GSDMB: variants seen among roughly 807,000 people sequenced by gnomAD.
GSDMB encodes the protein gasdermin B.
Under a neutral mutation model 42.9 loss-of-function variants are expected in GSDMB, and 32 were observed. The ratio of observed to expected loss-of-function variants is 0.75; its 90% confidence interval spans 0.56 to 1.00. The LOEUF is 1.00. GSDMB is among the 50% of genes least tolerant of loss of function. GSDMB has a pLI of 0.00. For synonymous variants in GSDMB, 175 were observed against 193.7 expected (o/e 0.90, Z 0.80); for missense variants, 468 against 498.5 (o/e 0.94, Z 0.58).
Position 39,912,357 on chromosome 17 carries a change from A to C in GSDMB, c.376T>G (p.Ser126Ala). Residue 126 changes from serine (S) to alanine (A), a missense_variant, in exon 3 of 11, where the codon TCC (serine) becomes GCC (alanine). Ser to Ala is a moderately conservative substitution (Grantham distance 99). Coordinates refer to ENST00000418519, the MANE Select transcript of GSDMB (RefSeq NM_001165958.2). ...QKIKISENRI[S>A]QQYLATLENR... is the part of the protein sequence containing the mutation. ...TCAAGGGTAGCCAGATACTGCTGGG[A>C]TATCCGGTTCTCCGATATCTTGATT... The C allele has an allele frequency of 6.2e-7, 1 of 1,614,044 alleles. No individual in the cohort carries two copies. Among genetic ancestry groups the C allele is most frequent in the Non-Finnish European group, 8.5e-7 (1 of 1,179,986 alleles).
At chr17:39,911,411 C>T (rs1408791116) in intron 3 of GSDMB, among the ~76,000 whole-genome samples, 1 of 152,092 alleles carries the variant, frequency 6.6e-6, no homozygotes, top group Non-Finnish European at 1.5e-5. Context: ...TCACCTTCCC[C>T]TGAGCTACTC....
intron 7 of GSDMB, chr17:39,906,684 A>G (rs1568101281): frequency 8.9e-7 from 1 of 1,128,946 alleles, no homozygotes; most frequent in Non-Finnish European, 1.2e-6. Flanking sequence ...CCTGATGTCC[A>G]GGCCACACCC....
chr17:39,907,322 C>T, intron 6 of GSDMB: 1 of 441,686 alleles, frequency 2.3e-6, no homozygotes, highest in Non-Finnish European at 3.2e-6. Context: ...TACAACCCTG[C>T]TGGGATCAAG....
At chr17:39,914,897 T>G (rs1439846720) in intron 2 of GSDMB, among the ~76,000 whole-genome samples, 1 of 151,450 alleles carries the variant, frequency 6.6e-6, no homozygotes, top group African/African-American at 2.4e-5. Context: ...TGCAGTGGTA[T>G]AATCATGGCT....
chr17:39,915,561 G>A (rs1238784842), intron 2 of GSDMB, among the ~76,000 whole-genome samples: 1 of 150,306 alleles, frequency 6.7e-6, no homozygotes, highest in Non-Finnish European at 1.5e-5. Context: ...CTGGGTTAAA[G>A]TATTTTTCCA....
chr17:39,908,528 T>C (rs889428656), intron 5 of GSDMB, among the ~76,000 whole-genome samples: 18 of 151,982 alleles, frequency 1.2e-4, no homozygotes, highest in African/African-American at 3.4e-4. Flanking sequence ...TACAGGCGCA[T>C]ACCACCACAC....
At chr17:39,914,612 A>C (rs548727680) in intron 2 of GSDMB, among the ~76,000 whole-genome samples, 2 of 151,680 alleles carry the variant, frequency 1.3e-5, no homozygotes, top group African/African-American at 2.4e-5. Flanking sequence ...AAATACAAAA[A>C]ATTTGCCAGG....
intron 2 of GSDMB, among the ~76,000 whole-genome samples, chr17:39,914,931 G>C (rs1342877701): frequency 6.6e-6 from 1 of 151,038 alleles, no homozygotes; most frequent in Non-Finnish European, 1.5e-5. Flanking sequence ...CCACCTCCCA[G>C]GTTCAAGCAA....
In GSDMB at chr17:39,906,499, C is replaced by T. The variant is rs1461063596; in HGVS notation, c.728-228G>A. 1.1e-5 allele frequency: 14 copies of T among 1,275,704 alleles called. No homozygotes were observed. The Admixed American group carries it at 2.9e-4, about 27-fold the overall frequency. 79.0% of individuals were successfully genotyped at this position (1,275,704 alleles called of 1,614,324 possible). A position where few individuals can be genotyped will look rare whatever the true frequency, so the allele number is the denominator to read the frequency against. ...TCCCCAGCTCACCCCCAGTCTAGTCCCAACCCCAAATTCTTCTCCACTTCC... is the reference window on the plus strand; with the variant it reads ...TCCCCAGCTCACCCCCAGTCTAGTCTCAACCCCAAATTCTTCTCCACTTCC... On this transcript the variant is annotated intron_variant, in intron 7 of 10. Coordinates refer to ENST00000418519, the MANE Select transcript of GSDMB (RefSeq NM_001165958.2).
rs1568100973 is a variant in GSDMB, at chr17:39,906,155, T to C, written c.844A>G (p.Lys282Glu). The C allele has an allele frequency of 1.9e-6, 3 of 1,614,004 alleles. No individual in the cohort carries two copies. The highest frequency in any genetic ancestry group is 2.7e-5 in the African/African-American group (2 of 74,924). Residue 282 changes from lysine (K) to glutamate (E), a missense_variant, in exon 8 of 11, where the codon AAG becomes GAG. Lys to Glu is a moderately conservative substitution (Grantham distance 56). Coordinates refer to ENST00000418519, the MANE Select transcript of GSDMB (RefSeq NM_001165958.2). ...KRKDVLNSLA[K>E]CLGKEDIRQD... ...CGAATATCCTCCTTGCCGAGGCACT[T>C]AGCGAGGGAGTTTAGCACATCTTTT...
In GSDMB at chr17:39,917,228, T is replaced by C. The variant is rs750191458; in HGVS notation, c.89A>G (p.Asp30Gly). The change falls in exon 2 of 11, where the codon GAT becomes GGT. Residue 30 changes from aspartate to glycine, a missense_variant. Coordinates refer to ENST00000418519, the MANE Select transcript of GSDMB (RefSeq NM_001165958.2). ...GDMIAVRSLVDADRFRCFHLV... is the reference protein window; with the variant it reads ...GDMIAVRSLVGADRFRCFHLV... ...ATGGAAGCAGCGGAATCTATCAGCA[T>C]CAACAAGGCTTCTAACGGCAATCAT... 1.2e-6 allele frequency: 2 copies of C among 1,614,038 alleles called. No individual in the cohort carries two copies. Among genetic ancestry groups the C allele is most frequent in the Non-Finnish European group, 1.7e-6 (2 of 1,179,908 alleles).
At chr17:39,910,943 GTA>G (rs1490450264) in intron 3 of GSDMB, among the ~76,000 whole-genome samples, 1 of 152,140 alleles carries the variant, frequency 6.6e-6, no homozygotes, top group Admixed American at 6.6e-5. Flanking sequence ...CAATACTGTG[GTA>G]GGGAGGGGTA....
rs756135069 is a variant in GSDMB, at chr17:39,912,487, A to C, written c.246T>G (p.Ala82=). The C allele has an allele frequency of 6.2e-7, 1 of 1,612,144 alleles. No homozygotes were observed. ...ELDSGLQGQK[A]EFQILDNVDS... ...CTACATTATCCAGAATTTGAAACTC[A>C]GCCTTTTGACCTGGAAAGAGAATGA... The change falls in exon 3 of 11, where the codon GCT becomes GCG. Residue 82 remains alanine (A), a synonymous_variant. Coordinates refer to ENST00000418519, the MANE Select transcript of GSDMB (RefSeq NM_001165958.2).
intron 4 of GSDMB, chr17:39,909,310 C>A: frequency 2.2e-6 from 1 of 463,672 alleles, no homozygotes; most frequent in South Asian, 2.9e-5. Flanking sequence ...TTGTTCTAGG[C>A]ACCATGGCTC....
intron 7 of GSDMB, 107 bp from the exon 8 acceptor site, chr17:39,906,378 T>C (rs2063505511): frequency 9.1e-7 from 1 of 1,094,984 alleles, no homozygotes; most frequent in African/African-American, 1.6e-5. Context: ...CTTTGTATCT[T>C]CCCTTCTTCC....
In GSDMB at chr17:39,917,193, C is replaced by T. The variant is rs1476280637; in HGVS notation, c.124G>A (p.Glu42Lys). Residue 42 changes from glutamate (E) to lysine (K), a missense_variant, in exon 2 of 11, where the codon GAG (glutamate) becomes AAG (lysine). By Grantham distance (56) the Glu-to-Lys change is moderately conservative (BLOSUM62 1). Coordinates refer to ENST00000418519, the MANE Select transcript of GSDMB (RefSeq NM_001165958.2). ...DRFRCFHLVG[E>K]KRTFFGCRHY... ...CGGCATCCAAAGAAAGTTCTCTTCT[C>T]CCCCACCAGATGGAAGCAGCGGAAT... is the stretch of plus-strand genomic sequence containing the variant. 7 of 1,613,826 alleles carry T rather than the reference C, an allele frequency of 4.3e-6. No individual in the cohort carries two copies. The highest frequency in any genetic ancestry group is 1.3e-5 in the African/African-American group (1 of 74,898).
In GSDMB at chr17:39,917,073, T is replaced by C; in HGVS notation, c.235+9A>G. Reference sequence around the variant, plus strand: ...CTGGCTGGCCACCTGTCATCTACCTTATACTGACCTTGGAGCCCAGAATCC... The same window carrying C: ...CTGGCTGGCCACCTGTCATCTACCTCATACTGACCTTGGAGCCCAGAATCC... On this transcript the variant is annotated intron_variant, in intron 2 of 10. Coordinates refer to ENST00000418519, the MANE Select transcript of GSDMB (RefSeq NM_001165958.2). The C allele has an allele frequency of 6.3e-7, 1 of 1,597,904 alleles. No homozygotes were observed. The highest frequency in any genetic ancestry group is 8.6e-7 in the Non-Finnish European group (1 of 1,165,254).
At chr17:39,906,824 A>G in intron 7 of GSDMB, 137 bp downstream of exon 7, 4 of 1,520,020 alleles carry the variant, frequency 2.6e-6, no homozygotes, top group East Asian at 2.3e-5. Flanking sequence ...CCTCCAGACT[A>G]AAGTTGAAAC....
At chr17:39,907,247 T>G in intron 6 of GSDMB, 1 of 1,292,660 alleles carries the variant, frequency 7.7e-7, no homozygotes, top group Non-Finnish European at 9.9e-7. Flanking sequence ...GGGGGCAGCA[T>G]ACACTCAGTC....
Sources: allele counts gnomAD v4.1 joint callset (sites outside exome capture counted in the v4.1 genomes callset), GRCh38; gene constraint gnomAD v4.1.1; transcripts MANE v1.5; gene names NCBI Gene and HGNC (gene_info 2026-07-23, HGNC 2026-07-21).